BRIP1: variants seen among roughly 807,000 people sequenced by gnomAD.
BRIP1 encodes the protein BRCA1 interacting DNA helicase 1.
A neutral mutation model predicts 119.7 loss-of-function variants in BRIP1; 88 were observed. The observed-to-expected ratio is 0.74, with a 90% CI of 0.62 to 0.88. BRIP1 has a LOEUF of 0.88. Ranked by LOEUF, BRIP1 falls within the 40% of genes least tolerant of loss-of-function variation. The pLI, the probability that BRIP1 is intolerant of heterozygous loss-of-function variation, is 0.00. For missense variants in BRIP1, 1,259 were observed against 1,455.4 expected (o/e 0.87, Z 2.20); for synonymous variants, 443 against 496.5 (o/e 0.89, Z 1.43).
At position 61,762,106 on chromosome 17, in the gene BRIP1, G is replaced by A. The variant is rs1045506297; in HGVS notation, c.2097+14295C>T. 1.3e-5 allele frequency among the ~76,000 whole-genome samples: 2 copies of A among 151,904 alleles called. No homozygotes were observed. Among genetic ancestry groups the A allele is most frequent in the Admixed American group, 6.6e-5 (1 of 15,230 alleles). On this transcript the variant is annotated intron_variant, in intron 14 of 19. Transcript: ENST00000259008. This position sits in a 1 kb window ranked among gnomAD's most constrained non-coding sequence, Gnocchi z 4.3. The stretch of plus-strand genomic sequence containing the variant: ...AGAGCACAGAAAGAAACCCATGTAT[G>A]TGCTCAACTGATTTTCAACAAAGGT...
rs1343558041 is a variant in BRIP1 at position 61,754,811 on chromosome 17, G to A, written c.2098-10220C>T. Among the ~76,000 whole-genome samples the A allele has an allele frequency of 6.6e-6, 1 of 152,110 alleles. No homozygotes were observed. Among genetic ancestry groups the A allele is most frequent in the Non-Finnish European group, 1.5e-5 (1 of 68,022 alleles). On this transcript the variant is annotated intron_variant, in intron 14 of 19. Coordinates refer to ENST00000259008, the MANE Select transcript of BRIP1 (RefSeq NM_032043.3). This position sits in a 1 kb window ranked among gnomAD's most constrained non-coding sequence, Gnocchi z 4.1. ...ATTCAGAGAGGAACAGGGAGAGAGA[G>A]CAATGAAGTTTTCTGGTGTCTCTTC... is the stretch of plus-strand genomic sequence containing the variant.
At position 61,709,433 on chromosome 17, in the gene BRIP1, TTTTTGATATTA is replaced by T. The variant is rs1379332377; in HGVS notation, c.2492+6507_2492+6517del. On this transcript the variant is annotated intron_variant, in intron 17 of 19. Coordinates refer to ENST00000259008, the MANE Select transcript of BRIP1 (RefSeq NM_032043.3). This position sits in a 1 kb window ranked among gnomAD's most constrained non-coding sequence, Gnocchi z 5.0. Reference sequence around the variant, plus strand: ...AAATCTAAATTTTATAGGGCATTATTTTTTGATATTATTTTAAAGTAACCTATAGGCTCCAA... The same window carrying T: ...AAATCTAAATTTTATAGGGCATTATTTTTTAAAGTAACCTATAGGCTCCAA... 6.6e-6 allele frequency among the ~76,000 whole-genome samples: 1 copy of T among 152,152 alleles called. No homozygotes were observed. The highest frequency in any genetic ancestry group is 1.5e-5 in the Non-Finnish European group (1 of 68,030).
rs1000787631 is a variant in BRIP1 at position 61,749,411 on chromosome 17, TA to T, written c.2098-4821del. ...CAAAATATATTAAGAAACCCAATAT[TA>T]AAAAAAAATTGAAAAACAGGCAAAG... On this transcript the variant is annotated intron_variant, in intron 14 of 19. Transcript: ENST00000259008. 5.3e-5 allele frequency among the ~76,000 whole-genome samples: 8 copies of T among 151,070 alleles called. No individual in the cohort carries two copies. The South Asian group carries it at 8.4e-4, about 16-fold the overall frequency.
At chr17:61,838,776 A>G (rs1005937523) in intron 6 of BRIP1, among the ~76,000 whole-genome samples, 2 of 151,772 alleles carry the variant, frequency 1.3e-5, no homozygotes, top group Non-Finnish European at 1.5e-5. Context: ...AAATAAAAAA[A>G]TATAAAAAAA....
intron 6 of BRIP1, among the ~76,000 whole-genome samples, chr17:61,813,292 A>G (rs1391575379): frequency 6.6e-6 from 1 of 151,672 alleles, no homozygotes; most frequent in South Asian, 2.1e-4. Flanking sequence ...GTTCTTCCAT[A>G]ACTTTCCACA....
At chr17:61,750,055 T>C (rs1202578485) in intron 14 of BRIP1, among the ~76,000 whole-genome samples, 1 of 152,238 alleles carries the variant, frequency 6.6e-6, no homozygotes, top group Non-Finnish European at 1.5e-5. Flanking sequence ...GGAATTCTAG[T>C]ACTACGTTAT....
chr17:61,801,144 A>G (rs2145328707), intron 8 of BRIP1, 109 bp downstream of exon 8: 1 of 948,562 alleles, frequency 1.1e-6, no homozygotes, highest in East Asian at 2.6e-5. Context: ...ACACAAATTT[A>G]TTTACATAAA....
chr17:61,813,873 T>C (rs1207380667), intron 6 of BRIP1, among the ~76,000 whole-genome samples: 1 of 151,940 alleles, frequency 6.6e-6, no homozygotes, highest in African/African-American at 2.4e-5. Context: ...GTGTAGTTCT[T>C]GGAGTTTATC....
intron 6 of BRIP1, among the ~76,000 whole-genome samples, chr17:61,817,291 T>C (rs2078250581): frequency 6.6e-6 from 1 of 152,212 alleles, no homozygotes; most frequent in Non-Finnish European, 1.5e-5. Context: ...TAATTTATGA[T>C]ATGTACACTT....
chr17:61,853,769 T>C lies in BRIP1; in HGVS notation c.379+3289A>G, dbSNP rs971269748. Among the ~76,000 whole-genome samples the C allele has an allele frequency of 6.6e-6, 1 of 152,212 alleles. No homozygotes were observed. The highest frequency in any genetic ancestry group is 2.4e-5 in the African/African-American group (1 of 41,462). Reference sequence around the variant, plus strand: ...TCAAAATGGATCTTAGACCTAAATGTAAACCTAAAATTCTATCTGATCAAA... The same window carrying C: ...TCAAAATGGATCTTAGACCTAAATGCAAACCTAAAATTCTATCTGATCAAA... On this transcript the variant is annotated intron_variant, in intron 4 of 19. Transcript: ENST00000259008. The surrounding 1 kb of genome is among the most constrained non-coding windows in gnomAD (Gnocchi z 4.3).
intron 14 of BRIP1, among the ~76,000 whole-genome samples, chr17:61,749,352 C>G (rs1360873076): frequency 6.6e-6 from 1 of 151,796 alleles, no homozygotes; most frequent in Non-Finnish European, 1.5e-5. Context: ...GAAAAAATAT[C>G]TGCAAACCAT....
In BRIP1 at chr17:61,810,138, C is replaced by A. The variant is rs1307954889; in HGVS notation, c.628-1381G>T. ...ATTGTTACATTCTCCTCTCAGGTTG[C>A]CAGTAACAGCAGATTTCATTACAGA... On this transcript the variant is annotated intron_variant, in intron 6 of 19. Transcript: ENST00000259008. This position sits in a 1 kb window ranked among gnomAD's most constrained non-coding sequence, Gnocchi z 4.7. 6.6e-6 allele frequency among the ~76,000 whole-genome samples: 1 copy of A among 152,188 alleles called. No homozygotes were observed. The highest frequency in any genetic ancestry group is 1.5e-5 in the Non-Finnish European group (1 of 68,032).
chr17:61,797,735 T>C (rs532310744), intron 9 of BRIP1, among the ~76,000 whole-genome samples: 3 of 151,852 alleles, frequency 2.0e-5, no homozygotes, highest in African/African-American at 4.8e-5. Context: ...TATAAATCAT[T>C]AAGAAAAAGA....
At chr17:61,821,176 A>G (rs1165597292) in intron 6 of BRIP1, among the ~76,000 whole-genome samples, 2 of 152,182 alleles carry the variant, frequency 1.3e-5, no homozygotes, top group African/African-American at 4.8e-5. Context: ...AGCTACAGTT[A>G]CATCCTATGC....
In BRIP1 at chr17:61,778,384, A is replaced by C. The variant is rs1399984501; in HGVS notation, c.1936-1822T>G. Among the ~76,000 whole-genome samples, 1 of 152,186 alleles carries C rather than the reference A, an allele frequency of 6.6e-6. No homozygotes were observed. The highest frequency in any genetic ancestry group is 1.5e-5 in the Non-Finnish European group (1 of 68,036). On this transcript the variant is annotated intron_variant, in intron 13 of 19. Coordinates refer to ENST00000259008, the MANE Select transcript of BRIP1 (RefSeq NM_032043.3). This position sits in a 1 kb window ranked among gnomAD's most constrained non-coding sequence, Gnocchi z 4.4. Reference sequence around the variant, plus strand: ...AATGGGAACAGAGTTTCAGTTTTTCAAGAGGAGAAAGTCTTGAGATTGGTT... The same window carrying C: ...AATGGGAACAGAGTTTCAGTTTTTCCAGAGGAGAAAGTCTTGAGATTGGTT...
rs1459966273 is a variant in BRIP1 at position 61,828,520 on chromosome 17, TA to T, written c.627+18580del. On this transcript the variant is annotated intron_variant, in intron 6 of 19. Coordinates refer to ENST00000259008, the MANE Select transcript of BRIP1 (RefSeq NM_032043.3). This position sits in a 1 kb window ranked among gnomAD's most constrained non-coding sequence, Gnocchi z 4.1. The stretch of plus-strand genomic sequence containing the variant: ...TGCATAATACCACTGAATTTACACT[TA>T]AAAACAGATAAATGGTAAATTTTAT... Among the ~76,000 whole-genome samples, 6 of 151,894 alleles carry T rather than the reference TA, an allele frequency of 4.0e-5. No homozygotes were observed. The highest frequency in any genetic ancestry group is 3.9e-4 in the Admixed American group (6 of 15,260).
chr17:61,790,280 C>T (rs547898719), intron 10 of BRIP1, among the ~76,000 whole-genome samples: 6 of 152,272 alleles, frequency 3.9e-5, no homozygotes, highest in African/African-American at 1.4e-4. Context: ...TGCGGTGGCT[C>T]ACACCTGTAA....
At chr17:61,800,206 T>A (rs1161760286) in intron 8 of BRIP1, among the ~76,000 whole-genome samples, 2 of 152,126 alleles carry the variant, frequency 1.3e-5, no homozygotes, top group Admixed American at 1.3e-4. Context: ...TAGGTTTGTG[T>A]CACTTGCAAT....
In BRIP1 at chr17:61,683,882, G is replaced by T. The variant is rs2144085995; in HGVS notation, c.3164C>A (p.Ser1055Tyr). The T allele has an allele frequency of 6.2e-7, 1 of 1,614,198 alleles. No homozygotes were observed. The highest frequency in any genetic ancestry group is 8.5e-7 in the Non-Finnish European group (1 of 1,180,032). ...CGATGTGTTTACTGTCAGATTTGAG[G>T]ATTCACATTTATCAGTGAAGGGCAA... ...TVLPFTDKCE[S>Y]SNLTVNTSFG... The change falls in exon 20 of 20, where the codon TCC becomes TAC. Residue 1055 changes from serine to tyrosine, a missense_variant. Ser to Tyr is a moderately radical substitution (Grantham distance 144). Coordinates refer to ENST00000259008, the MANE Select transcript of BRIP1 (RefSeq NM_032043.3). The surrounding 1 kb of genome is among the most constrained non-coding windows in gnomAD (Gnocchi z 4.7).
Sources: gnomAD v4.1 joint callset for allele counts (sites outside exome capture counted in the v4.1 genomes callset) on GRCh38, gnomAD v4.1.1 for gene constraint, Gnocchi (gnomAD v3.1) non-coding constraint, MANE v1.5 for transcripts, NCBI Gene and HGNC (gene_info 2026-07-23, HGNC 2026-07-21) for gene names.